The following CPLANE1 variants were observed in gnomAD, a reference collection of about 807,000 sequenced individuals.
CPLANE1 encodes the protein ciliogenesis and planar polarity effector complex subunit 1, also known as ciliogenesis and planar polarity effector 1.
Under a neutral mutation model 362.5 loss-of-function variants are expected in CPLANE1, and 263 were observed. The ratio of observed to expected loss-of-function variants is 0.73; its 90% CI spans 0.66 to 0.80. CPLANE1 has a LOEUF of 0.80. CPLANE1 is among the 30% of genes least tolerant of loss of function. The probability of loss-of-function intolerance (pLI) is 0.00; values close to 1 mark genes in which losing one functional copy is unlikely to be tolerated. For missense variants in CPLANE1, 3,461 were observed against 3,793.4 expected, an observed-to-expected ratio of 0.91 and a Z score of 2.30; for synonymous variants, 1,212 against 1,302.6, an observed-to-expected ratio of 0.93 and a Z score of 1.50.
At chr5:37,076,097 AAAAC>A in the CPLANE1 span, among the ~76,000 whole-genome samples, 1 of 152,096 alleles carries the variant, frequency 6.6e-6, no homozygotes, top group South Asian at 2.1e-4. Context: ...AAAAAAACAA[AAAAC>A]AAAAATTAGC....
Position 37,158,454 on chromosome 5 carries a change from T to A in CPLANE1, c.7691-109A>T. 8 of 1,085,950 alleles carry A rather than the reference T, an allele frequency of 7.4e-6. No homozygotes were observed. The South Asian group carries it at 1.5e-4, about 20-fold the overall frequency. 67.3% of individuals were successfully genotyped at this position (1,085,950 alleles called of 1,614,324 possible). A position where few individuals can be genotyped will look rare whatever the true frequency, so the allele number is the denominator to read the frequency against. ...TAGCAACAAACAACATAAATTGTAC[T>A]TCTTGAAATCTAAGTAGAAGTGACA... On this transcript the variant is annotated intron_variant, in intron 38 of 52. Coordinates refer to ENST00000651892, the MANE Select transcript of CPLANE1 (RefSeq NM_001384732.1).
intron 30 of CPLANE1, 37 bp downstream of exon 30, chr5:37,177,584 C>T (rs763832383): frequency 1.4e-6 from 2 of 1,430,214 alleles, no homozygotes; most frequent in South Asian, 2.3e-5. Flanking sequence ...ACTGAGGTAA[C>T]CAGTGACAAT....
In CPLANE1 at chr5:37,224,534, T is replaced by G; in HGVS notation, c.2498A>C (p.Asn833Thr). 6.5e-7 allele frequency: 1 copy of G among 1,540,948 alleles called. No individual in the cohort carries two copies. The highest frequency in any genetic ancestry group is 8.8e-7 in the Non-Finnish European group (1 of 1,137,532). The change falls in exon 13 of 53, where the codon AAT becomes ACT. Residue 833 changes from asparagine to threonine, a missense_variant and splice_region_variant. Asn to Thr is a moderately conservative substitution (Grantham distance 65). Coordinates refer to ENST00000651892, the MANE Select transcript of CPLANE1 (RefSeq NM_001384732.1). ...GAAAATATTCATAAGATACTGACCA[T>G]TGATAGATTTAAGTTCTAAGGTTTG... Reference protein sequence around the residue: ...LNQTLELKSINGEECFLLGSY... With the variant: ...LNQTLELKSITGEECFLLGSY...
downstream of CPLANE1, among the ~76,000 whole-genome samples, chr5:37,105,099 C>T (rs957740332): frequency 6.6e-6 from 1 of 151,938 alleles, no homozygotes; most frequent in Non-Finnish European, 1.5e-5. Context: ...CTCAGGAGTT[C>T]GAGATGAGCC....
chr5:37,225,638 G>A (rs1796299258), intron 12 of CPLANE1, among the ~76,000 whole-genome samples: 1 of 152,034 alleles, frequency 6.6e-6, no homozygotes, highest in South Asian at 2.1e-4. Flanking sequence ...GATCACCTGA[G>A]GTCAGGAGTT....
chr5:37,187,843 C>G lies in CPLANE1; in HGVS notation c.3812-1G>C. The G allele has an allele frequency of 3.1e-6, 5 of 1,608,804 alleles. No individual in the cohort carries two copies. In the South Asian group the frequency reaches 5.5e-5, roughly 18 times the overall value. On this transcript the variant is annotated splice_acceptor_variant, in intron 21 of 52. Coordinates refer to ENST00000651892, the MANE Select transcript of CPLANE1 (RefSeq NM_001384732.1). LOFTEE classifies it high-confidence loss of function. ...AGAGCACAAAGTTCTCTGAAGCAAC[C>G]TAAAGCAGGAACACAAATATGAAAG...
intron 20 of CPLANE1, among the ~76,000 whole-genome samples, 176 bp downstream of exon 20, chr5:37,198,526 C>A (rs1358143058): frequency 2.6e-5 from 4 of 152,034 alleles, no homozygotes; most frequent in Admixed American, 6.5e-5. Flanking sequence ...AGACCCTGTT[C>A]AGAGTCCTCA....
Position 37,108,438 on chromosome 5 carries a change from G to T in CPLANE1, c.9434C>A (p.Thr3145Lys), listed in dbSNP as rs1302870757. 1 of 1,614,086 alleles carries T rather than the reference G, an allele frequency of 6.2e-7. No homozygotes were observed. Residue 3145 changes from threonine to lysine, a missense_variant, in exon 52 of 53, where the codon ACA (threonine) becomes AAA (lysine). Thr to Lys is a moderately conservative substitution (Grantham distance 78, BLOSUM62 -1). Transcript: ENST00000651892. ...SNAPCHSLQH[T>K]KKHGSAGLAP... ...AAGCCCAGCACTTCCATGTTTTTTT[G>T]TATGCTGCAGACTATGACACGGAGC...
the CPLANE1 span, among the ~76,000 whole-genome samples, chr5:37,094,810 T>C: frequency 2.6e-4 from 39 of 152,302 alleles, no homozygotes; most frequent in Non-Finnish European, 4.7e-4. Context: ...AACACTTTTA[T>C]GCACATAAAC....
intron 31 of CPLANE1, among the ~76,000 whole-genome samples, chr5:37,175,603 T>A (rs536194012): frequency 6.6e-5 from 10 of 152,216 alleles, no homozygotes; most frequent in Non-Finnish European, 1.5e-4. Context: ...AAGAAATCAG[T>A]TAGAAGCTGA....
chr5:37,090,180 A>C, the CPLANE1 span, among the ~76,000 whole-genome samples: 1 of 152,184 alleles, frequency 6.6e-6, no homozygotes, highest in Non-Finnish European at 1.5e-5. Flanking sequence ...GAAATTGAGG[A>C]AATAGAACAA....
At chr5:37,210,647 T>C in intron 16 of CPLANE1, 2 of 1,596,290 alleles carry the variant, frequency 1.3e-6, no homozygotes, top group South Asian at 2.3e-5. Context: ...ATATGCTGAA[T>C]GAAAAGGTTA....
chr5:37,227,546 A>G, intron 10 of CPLANE1, 22 bp downstream of exon 10: 6 of 1,514,098 alleles, frequency 4.0e-6, no homozygotes, highest in East Asian at 2.5e-5. Context: ...ACTTTCCCCA[A>G]TGATATAAAA....
chr5:37,221,247 G>A, intron 15 of CPLANE1, 77 bp downstream of exon 15: 1 of 903,896 alleles, frequency 1.1e-6, no homozygotes, highest in Non-Finnish European at 1.6e-6. Flanking sequence ...TGAGCTCAGG[G>A]GTTTGAAGCC....
intron 50 of CPLANE1, among the ~76,000 whole-genome samples, chr5:37,118,673 T>C (rs1305388585): frequency 6.6e-6 from 1 of 151,936 alleles, no homozygotes; most frequent in Non-Finnish European, 1.5e-5. Context: ...GGGTTGTAAT[T>C]AAAGAACGTA....
chr5:37,164,325 T>C lies in CPLANE1; in HGVS notation c.7536A>G (p.Glu2512=), dbSNP rs1777670772. The C allele has an allele frequency of 6.2e-7, 1 of 1,612,788 alleles. No individual in the cohort carries two copies. The highest frequency in any genetic ancestry group is 1.3e-5 in the African/African-American group (1 of 74,894). ...DDSEIIKKPK[E]QQEHCGSHPL... ...GATGGGAACCACAATGTTCTTGTTG[T>C]TCCTAAATGAATTCCCACAGGATTA... The change falls in exon 37 of 53, where the codon GAA becomes GAG. Residue 2512 remains glutamate (E), a splice_region_variant and synonymous_variant. Coordinates refer to ENST00000651892, the MANE Select transcript of CPLANE1 (RefSeq NM_001384732.1).
chr5:37,119,376 A>G (rs1205622800), intron 50 of CPLANE1, among the ~76,000 whole-genome samples: 13 of 152,222 alleles, frequency 8.5e-5, no homozygotes, highest in Admixed American at 8.5e-4. Flanking sequence ...ATGTTATTAA[A>G]AAAAAGCCAT....
At chr5:37,168,315 G>A (rs1435465163) in intron 34 of CPLANE1, among the ~76,000 whole-genome samples, 1 of 152,150 alleles carries the variant, frequency 6.6e-6, no homozygotes, top group East Asian at 1.9e-4. Flanking sequence ...GTGCTCACTT[G>A]CTCTCCACTC....
chr5:37,089,671 C>T, the CPLANE1 span, among the ~76,000 whole-genome samples: 1 of 152,182 alleles, frequency 6.6e-6, no homozygotes, highest in African/African-American at 2.4e-5. Flanking sequence ...CCTTCCCCCA[C>T]GGCGATTCCT....
Sources: gnomAD v4.1 joint callset for allele counts (sites outside exome capture counted in the v4.1 genomes callset) on GRCh38, gnomAD v4.1.1 for gene constraint, MANE v1.5 for transcripts, NCBI Gene and HGNC (gene_info 2026-07-23, HGNC 2026-07-21) for gene names.